The following STK3 variants were observed in gnomAD, a reference collection of about 807,000 sequenced individuals.
STK3 encodes serine/threonine kinase 3, also known as serine/threonine-protein kinase 3.
STK3 carries 41 observed loss-of-function variants against 58.0 expected under a neutral mutation model. That is an observed-to-expected ratio of 0.71 (90% CI 0.55 to 0.92). The LOEUF is 0.92. STK3 is among the 40% of genes least tolerant of loss of function. The pLI is 0.00. For missense variants in STK3, 479 were observed against 602.7 expected, an observed-to-expected ratio of 0.79 and a Z score of 2.15; for synonymous variants, 170 against 191.0, an observed-to-expected ratio of 0.89 and a Z score of 0.91.
chr8:98,464,700 G>C (rs994029922), intron 10 of STK3, among the ~76,000 whole-genome samples: 4 of 151,956 alleles, frequency 2.6e-5, no homozygotes, highest in African/African-American at 9.7e-5. Context: ...CCTGTTTAAA[G>C]AAAACCCTAC....
chr8:98,596,057 C>CAGGAT lies in STK3; in HGVS notation c.796_797insATCCT (p.Arg266AsnfsTer24). On this transcript the variant is annotated frameshift_variant, in exon 7 of 11. Transcript: ENST00000419617. LOFTEE classifies it high-confidence loss of function. ...CTGTAAAAGTTGTGTTGCAGTAGCT[C>CAGGAT]TCTGCTCAGGATTCTTCACCAAACA... 1 of 1,613,332 alleles carries CAGGAT rather than the reference C, an allele frequency of 6.2e-7. No individual in the cohort carries two copies. Among genetic ancestry groups the CAGGAT allele is most frequent in the Non-Finnish European group, 8.5e-7 (1 of 1,179,598 alleles).
chr8:98,477,046 TATC>T (rs1205151129), intron 10 of STK3, among the ~76,000 whole-genome samples: 3 of 152,210 alleles, frequency 2.0e-5, no homozygotes, highest in Non-Finnish European at 1.5e-5. Context: ...GCATCATTCT[TATC>T]ATCAAGGACG....
At chr8:98,569,533 G>A (rs1812783864) in intron 8 of STK3, among the ~76,000 whole-genome samples, 1 of 151,646 alleles carries the variant, frequency 6.6e-6, no homozygotes, top group African/African-American at 2.4e-5. Flanking sequence ...CATACACAGA[G>A]GAGCTCAGAG....
At chr8:98,424,697 C>T (rs967843739) in intron 3 of STK3, among the ~76,000 whole-genome samples, 1 of 152,114 alleles carries the variant, frequency 6.6e-6, no homozygotes, top group African/African-American at 2.4e-5. Context: ...ATACATGAAG[C>T]AGGGGAGGGA....
At chr8:98,777,249 TGG>T (rs1303541984) in intron 1 of STK3, among the ~76,000 whole-genome samples, 1 of 151,342 alleles carries the variant, frequency 6.6e-6, no homozygotes, top group East Asian at 2.0e-4. Flanking sequence ...AGAAATGGGC[TGG>T]GCACGGTGGC....
intron 10 of STK3, among the ~76,000 whole-genome samples, chr8:98,507,808 C>G (rs1824209024): frequency 6.6e-6 from 1 of 152,126 alleles, no homozygotes; most frequent in Non-Finnish European, 1.5e-5. Flanking sequence ...GAATGTTCTT[C>G]CTTCAGATAT....
intron 1 of STK3, among the ~76,000 whole-genome samples, chr8:98,817,068 AG>A (rs1237648736): frequency 6.6e-6 from 1 of 152,210 alleles, no homozygotes; most frequent in African/African-American, 2.4e-5. Context: ...TTAAAATAGC[AG>A]GTTACCAGCA....
intron 3 of STK3, among the ~76,000 whole-genome samples, chr8:98,845,411 G>T (rs1350605664): frequency 6.6e-6 from 1 of 152,152 alleles, no homozygotes; most frequent in East Asian, 1.9e-4. Flanking sequence ...CACATAGATG[G>T]TCTAATTCTG....
chr8:98,697,733 T>C (rs1825113160), intron 6 of STK3, among the ~76,000 whole-genome samples: 1 of 152,232 alleles, frequency 6.6e-6, no homozygotes, highest in African/African-American at 2.4e-5. Context: ...CAGTTTGTTA[T>C]AATTTCTGTT....
At chr8:98,473,663 A>C (rs1821092420) in intron 10 of STK3, among the ~76,000 whole-genome samples, 1 of 152,008 alleles carries the variant, frequency 6.6e-6, no homozygotes, top group Non-Finnish European at 1.5e-5. Context: ...TTTCTATCTT[A>C]TTTGGCCCCT....
chr8:98,671,840 T>C (rs1019397087), intron 6 of STK3, among the ~76,000 whole-genome samples: 7 of 152,188 alleles, frequency 4.6e-5, no homozygotes, highest in African/African-American at 1.7e-4. Context: ...TCCTCAGGTA[T>C]CAAGGGTGGG....
intron 4 of STK3, 37 bp downstream of exon 4, chr8:98,749,239 A>G: frequency 7.0e-7 from 1 of 1,419,878 alleles, no homozygotes; most frequent in African/African-American, 1.4e-5. Flanking sequence ...ATCAATCTTT[A>G]GAAATGATAT....
intron 3 of STK3, among the ~76,000 whole-genome samples, chr8:98,846,375 C>T (rs112246849): frequency 1.3e-5 from 2 of 152,192 alleles, no homozygotes; most frequent in Non-Finnish European, 2.9e-5. Flanking sequence ...AAAGTTCAAA[C>T]CATGACACAG....
At chr8:98,639,956 C>G (rs1200798696) in intron 6 of STK3, among the ~76,000 whole-genome samples, 1 of 151,936 alleles carries the variant, frequency 6.6e-6, no homozygotes, top group East Asian at 1.9e-4. Flanking sequence ...ACTAAAAATA[C>G]AAAAATTAGT....
At chr8:98,757,012 A>T (rs896393384) in intron 3 of STK3, among the ~76,000 whole-genome samples, 1 of 151,838 alleles carries the variant, frequency 6.6e-6, no homozygotes, top group African/African-American at 2.4e-5. Context: ...ATTCTTGTCC[A>T]CTTCTTCCCC....
chr8:98,818,365 T>C (rs1291593864), intron 1 of STK3, among the ~76,000 whole-genome samples: 3 of 152,126 alleles, frequency 2.0e-5, no homozygotes, highest in Non-Finnish European at 4.4e-5. Context: ...TATGAATAAA[T>C]GAGGAAATGA....
chr8:98,691,827 G>T (rs1207558720), intron 6 of STK3, among the ~76,000 whole-genome samples: 1 of 151,826 alleles, frequency 6.6e-6, no homozygotes, highest in Non-Finnish European at 1.5e-5. Flanking sequence ...AGCTACTCGG[G>T]AGGCTGAGGC....
chr8:98,934,909 G>T (rs899958893), intron 1 of STK3, among the ~76,000 whole-genome samples: 38 of 128,586 alleles, frequency 3.0e-4, no homozygotes, highest in Admixed American at 2.4e-3. Context: ...AGAGCGAGAC[G>T]CCGTCTCAAA....
intron 3 of STK3, among the ~76,000 whole-genome samples, chr8:98,756,356 G>A (rs1034646833): frequency 5.9e-5 from 9 of 152,170 alleles, no homozygotes; most frequent in Admixed American, 5.9e-4. Context: ...AACAAATCAC[G>A]GTCAAAGAAC....
Sources: gnomAD v4.1 joint callset for allele counts (sites outside exome capture counted in the v4.1 genomes callset) on GRCh38, gnomAD v4.1.1 for gene constraint, MANE v1.5 for transcripts, NCBI Gene and HGNC (gene_info 2026-07-23, HGNC 2026-07-21) for gene names.